PLS1: variants seen among roughly 807,000 people sequenced by gnomAD.
The protein encoded by PLS1 is plastin-1.
PLS1 carries 32 observed loss-of-function variants against 73.7 expected under a neutral mutation model. That is an observed-to-expected ratio of 0.43 (90% CI 0.33 to 0.58). The LOEUF is 0.58. Among genes scored for constraint, PLS1 ranks in the 20% least tolerant of loss-of-function variants. The probability of loss-of-function intolerance (pLI) is 0.04; values close to 1 mark genes in which losing one functional copy is unlikely to be tolerated. For synonymous variants in PLS1, 217 were observed against 261.3 expected (o/e 0.83, Z 1.63); for missense variants, 633 against 740.5 (o/e 0.85, Z 1.68).
At chr3:142,682,939 C>T (rs1278585900) in intron 6 of PLS1, among the ~76,000 whole-genome samples, 4 of 152,174 alleles carry the variant, frequency 2.6e-5, no homozygotes, top group Non-Finnish European at 5.9e-5. Flanking sequence ...CTGCTTCTTT[C>T]AGGAGAACTA....
At chr3:142,707,607 G>A (rs1005052048) in intron 14 of PLS1, among the ~76,000 whole-genome samples, 4 of 152,238 alleles carry the variant, frequency 2.6e-5, no homozygotes, top group Non-Finnish European at 5.9e-5. Flanking sequence ...CTTTGGAGTT[G>A]TATGGCCCTG....
At chr3:142,683,926 A>T in intron 6 of PLS1, 80 bp from the exon 7 acceptor site, 3 of 1,006,192 alleles carry the variant, frequency 3.0e-6, no homozygotes, top group Non-Finnish European at 4.3e-6. Context: ...TTGGCAGTCC[A>T]TTGTTTCTTA....
chr3:142,692,961 T>G (rs997528529), intron 10 of PLS1, among the ~76,000 whole-genome samples: 1 of 152,132 alleles, frequency 6.6e-6, no homozygotes, highest in African/African-American at 2.4e-5. Context: ...GTTCATAGAT[T>G]TAATTTGTAC....
Position 142,704,516 on chromosome 3 carries a change from A to G in PLS1, c.1559A>G (p.Glu520Gly), listed in dbSNP as rs776651435. The change falls in exon 14 of 16, where the codon GAA becomes GGA. Residue 520 changes from glutamate to glycine, a missense_variant. Transcript: ENST00000457734. ...GGAGAGGGTGAAAAAGTAAATGATG[A>G]AATTATAATTAAATGGGTCAATCAG... ...DLGEGEKVND[E>G]IIIKWVNQTL... 2.5e-6 allele frequency: 4 copies of G among 1,597,128 alleles called. No individual in the cohort carries two copies. In the South Asian group the frequency reaches 4.4e-5, roughly 18 times the overall value.
At chr3:142,600,898 ATATATATATATATATATATTTTTTTTT>A (rs1257094601) in intron 1 of PLS1, among the ~76,000 whole-genome samples, 2 of 27,880 alleles carry the variant, frequency 7.2e-5, no homozygotes, top group African/African-American at 4.7e-4. Context: ...ATATATATAT[ATATATATATATATATATATTTTTTTTT>A]TTTTTTTTTT....
chr3:142,643,688 G>C (rs1361260134), intron 1 of PLS1, among the ~76,000 whole-genome samples: 1 of 152,188 alleles, frequency 6.6e-6, no homozygotes, highest in African/African-American at 2.4e-5. Flanking sequence ...AGTATGCGTA[G>C]AGCTAACTTT....
chr3:142,653,364 CTTT>C (rs34669181), intron 1 of PLS1, among the ~76,000 whole-genome samples: 17 of 132,228 alleles, frequency 1.3e-4, no homozygotes, highest in South Asian at 2.4e-4. Flanking sequence ...AGGTCAGAAA[CTTT>C]TTTTTTTTTT....
In PLS1 at chr3:142,683,929, G is replaced by C. The variant is rs575461303; in HGVS notation, c.580-77G>C. On this transcript the variant is annotated intron_variant, in intron 6 of 15. Coordinates refer to ENST00000457734, the MANE Select transcript of PLS1 (RefSeq NM_001145319.2). ...TAAATCTGAAATTTGGCAGTCCATT[G>C]TTTCTTATAGATAATTTTTATAGAT... 5.7e-6 allele frequency: 6 copies of C among 1,049,590 alleles called. No homozygotes were observed. The South Asian group carries it at 1.1e-4, about 20-fold the overall frequency. The allele number at this position is 1,049,590 out of a possible 1,614,324, so 65.0% of individuals were successfully genotyped here.
chr3:142,611,512 C>T (rs1227251084), intron 1 of PLS1, among the ~76,000 whole-genome samples: 1 of 152,276 alleles, frequency 6.6e-6, no homozygotes, highest in Non-Finnish European at 1.5e-5. Flanking sequence ...GTCTTAGCTA[C>T]TCAGGAGGCT....
chr3:142,601,068 C>T (rs1471936248), intron 1 of PLS1, among the ~76,000 whole-genome samples: 4 of 144,976 alleles, frequency 2.8e-5, no homozygotes, highest in Non-Finnish European at 6.1e-5. Flanking sequence ...GGACTACAGG[C>T]ACCCGCCACC....
chr3:142,606,124 C>G (rs757730570), intron 1 of PLS1, among the ~76,000 whole-genome samples: 3 of 152,158 alleles, frequency 2.0e-5, no homozygotes, highest in Non-Finnish European at 4.4e-5. Context: ...CACAATGATA[C>G]CCATTTTTGC....
intron 1 of PLS1, among the ~76,000 whole-genome samples, chr3:142,652,099 C>CA (rs1163002444): frequency 6.6e-6 from 1 of 152,204 alleles, no homozygotes; most frequent in Non-Finnish European, 1.5e-5. Context: ...CTTCAGGAAC[C>CA]AGCAAGAATG....
At chr3:142,635,899 T>A (rs1172966016) in intron 1 of PLS1, among the ~76,000 whole-genome samples, 1 of 152,162 alleles carries the variant, frequency 6.6e-6, no homozygotes, top group Non-Finnish European at 1.5e-5. Context: ...TTTCTTTGTT[T>A]GTTTTTAAGA....
Position 142,636,895 on chromosome 3 carries a change from T to G in PLS1, c.-36-27307T>G, listed in dbSNP as rs371226039. ...ATAGCACTATTTGAATGGCCAAAATTAGAAAGATCGATCATACCACGTGTT... is the reference window on the plus strand; with the variant it reads ...ATAGCACTATTTGAATGGCCAAAATGAGAAAGATCGATCATACCACGTGTT... On this transcript the variant is annotated intron_variant, in intron 1 of 15. Transcript: ENST00000457734. Among the ~76,000 whole-genome samples the G allele has an allele frequency of 9.2e-5, 14 of 152,306 alleles. No individual in the cohort carries two copies. In the East Asian group the frequency reaches 1.3e-3, roughly 15 times the overall value.
At chr3:142,667,318 G>A (rs889067739) in intron 2 of PLS1, among the ~76,000 whole-genome samples, 1 of 152,132 alleles carries the variant, frequency 6.6e-6, no homozygotes, top group Non-Finnish European at 1.5e-5. Context: ...GGGAGGCTGA[G>A]GCAGGAGAAT....
intron 1 of PLS1, among the ~76,000 whole-genome samples, chr3:142,604,324 A>G (rs764088673): frequency 7.2e-5 from 11 of 152,196 alleles, no homozygotes; most frequent in Non-Finnish European, 1.2e-4. Context: ...AATAAACCAA[A>G]ACCTCTCAAA....
chr3:142,647,794 C>G (rs1248365948), intron 1 of PLS1, among the ~76,000 whole-genome samples: 1 of 152,138 alleles, frequency 6.6e-6, no homozygotes, highest in Non-Finnish European at 1.5e-5. Context: ...TTCTAGAAAG[C>G]CTTCCTTGAA....
intron 10 of PLS1, 80 bp downstream of exon 10, chr3:142,689,893 G>A: frequency 1.1e-6 from 1 of 902,036 alleles, no homozygotes; most frequent in South Asian, 1.9e-5. Context: ...AGAGATAGGG[G>A]ATTGTGGTGG....
At chr3:142,708,107 C>T (rs1288748387) in intron 14 of PLS1, among the ~76,000 whole-genome samples, 1 of 152,074 alleles carries the variant, frequency 6.6e-6, no homozygotes, top group Non-Finnish European at 1.5e-5. Flanking sequence ...ATATTAAGGG[C>T]TCAATAAATG....
Sources: gnomAD v4.1 joint callset for allele counts (sites outside exome capture counted in the v4.1 genomes callset) on GRCh38, gnomAD v4.1.1 for gene constraint, MANE v1.5 for transcripts, NCBI Gene and HGNC (gene_info 2026-07-23, HGNC 2026-07-21) for gene names.